ASGR2: variants seen among roughly 807,000 people sequenced by gnomAD.
The protein encoded by ASGR2 is asialoglycoprotein receptor 2, also known as C-type lectin domain family 4 member H2.
Under a neutral mutation model 32.3 loss-of-function variants are expected in ASGR2, and 34 were observed. The ratio of observed to expected loss-of-function variants is 1.05; its 90% CI spans 0.80 to 1.40. The LOEUF is 1.40. Ranked by LOEUF, ASGR2 falls within the 40% of genes most tolerant of loss-of-function variation. The pLI, the probability that ASGR2 is intolerant of heterozygous loss-of-function variation, is 0.00. For missense variants in ASGR2, 385 were observed against 386.4 expected (o/e 1.00, Z 0.03); for synonymous variants, 143 against 150.0 (o/e 0.95, Z 0.34).
intron 7 of ASGR2, among the ~76,000 whole-genome samples, chr17:7,105,620 A>G (rs559526863): frequency 4.6e-5 from 7 of 152,230 alleles, no homozygotes; most frequent in African/African-American, 1.7e-4. Context: ...CACAGGTTAC[A>G]GTGAGCTGAG....
Position 7,113,761 on chromosome 17 carries a change from G to A in ASGR2, c.124+356C>T, listed in dbSNP as rs1309106902. 6.7e-6 allele frequency among the ~76,000 whole-genome samples: 1 copy of A among 149,554 alleles called. No individual in the cohort carries two copies. The highest frequency in any genetic ancestry group is 1.5e-5 in the Non-Finnish European group (1 of 67,576). The stretch of plus-strand genomic sequence containing the variant: ...CACGACATACACACACACAACATAT[G>A]CACGCTCTCGCGCACATATACACAC... On this transcript the variant is annotated intron_variant, in intron 2 of 8. Transcript: ENST00000691900. The surrounding 1 kb of genome is among the most constrained non-coding windows in gnomAD (Gnocchi z 5.1).
intron 2 of ASGR2, among the ~76,000 whole-genome samples, chr17:7,112,366 C>A (rs971283166): frequency 6.6e-6 from 1 of 151,854 alleles, no homozygotes; most frequent in African/African-American, 2.4e-5. Flanking sequence ...GAGGGAAATG[C>A]GGTGACTTTG....
chr17:7,107,526 G>A lies in ASGR2; in HGVS notation c.410-209C>T. On this transcript the variant is annotated intron_variant, in intron 5 of 8. Coordinates refer to ENST00000691900, the MANE Select transcript of ASGR2 (RefSeq NM_001201352.2). This position sits in a 1 kb window ranked among gnomAD's most constrained non-coding sequence, Gnocchi z 5.0. ...CATCACACACACACAAACACACCAA[G>A]AGACACACCACACACATCACATGCG... 7.8e-6 allele frequency: 5 copies of A among 645,050 alleles called. No homozygotes were observed. Among genetic ancestry groups the A allele is most frequent in the Admixed American group, 2.6e-5 (1 of 39,090 alleles). The allele number at this position is 645,050 out of a possible 1,614,324, so 40.0% of individuals were successfully genotyped here.
chr17:7,107,346 G>C lies in ASGR2; in HGVS notation c.410-29C>G. 6.2e-7 allele frequency: 1 copy of C among 1,605,872 alleles called. No individual in the cohort carries two copies. The highest frequency in any genetic ancestry group is 8.5e-7 in the Non-Finnish European group (1 of 1,178,506). On this transcript the variant is annotated intron_variant, in intron 5 of 8. Coordinates refer to ENST00000691900, the MANE Select transcript of ASGR2 (RefSeq NM_001201352.2). This position sits in a 1 kb window ranked among gnomAD's most constrained non-coding sequence, Gnocchi z 5.0. ...GGACAGACAGGCTGAAAGTGCTGCC[G>C]GCAGGTGTGGTCCCCACCTGCTAGG... is the stretch of plus-strand genomic sequence containing the variant.
rs1001320600 is a variant in ASGR2 at position 7,102,139 on chromosome 17, C to T, written c.706G>A (p.Asp236Asn). 9 of 1,614,202 alleles carry T rather than the reference C, an allele frequency of 5.6e-6. No individual in the cohort carries two copies. Among genetic ancestry groups the T allele is most frequent in the Non-Finnish European group, 7.6e-6 (9 of 1,180,022 alleles). Residue 236 changes from aspartate to asparagine, a missense_variant, in exon 8 of 9, where the codon GAT (aspartate) becomes AAT (asparagine). Physicochemically the swap from Asp to Asn is conservative, Grantham distance 23 (BLOSUM62 1). Coordinates refer to ENST00000691900, the MANE Select transcript of ASGR2 (RefSeq NM_001201352.2). ...CCATCCACCCATTTCCAAGAGCCAT[C>T]ACTGTCCGTGAGACCTATCCAGGTA... Reference protein sequence around the residue: ...FNTWIGLTDSDGSWKWVDGTD... With the variant: ...FNTWIGLTDSNGSWKWVDGTD...
At position 7,107,227 on chromosome 17, in the gene ASGR2, C is replaced by T. The variant is rs1271942752; in HGVS notation, c.496+4G>A. Reference sequence around the variant, plus strand: ...ACTGGGCCTGGAGACGGCCCCACCCCTACCGTTGCTGTGGAGGAGCTCCAT... The same window carrying T: ...ACTGGGCCTGGAGACGGCCCCACCCTTACCGTTGCTGTGGAGGAGCTCCAT... On this transcript the variant is annotated splice_donor_region_variant and intron_variant, in intron 6 of 8. Transcript: ENST00000691900. The surrounding 1 kb of genome is among the most constrained non-coding windows in gnomAD (Gnocchi z 5.0). 1.2e-6 allele frequency: 2 copies of T among 1,614,176 alleles called. No individual in the cohort carries two copies. Among genetic ancestry groups the T allele is most frequent in the South Asian group, 2.2e-5 (2 of 91,092 alleles).
chr17:7,115,137 A>C, upstream of ASGR2: 2 of 454,226 alleles, frequency 4.4e-6, no homozygotes, highest in Non-Finnish European at 5.8e-6. This position sits in a 1 kb window ranked among gnomAD's most constrained non-coding sequence, Gnocchi z 4.2. Context: ...CATCTGAACC[A>C]CAGACCCCAG....
chr17:7,114,777 G>T lies in ASGR2; in HGVS notation c.-233C>A. ...AAGGCCTGCACTGGAGGGTCTGAGT[G>T]TCCAAGCTCTAACCTGGCACCTCCT... is the stretch of plus-strand genomic sequence containing the variant. On this transcript the variant is annotated 5_prime_UTR_variant, in exon 1 of 9. Transcript: ENST00000691900. The surrounding 1 kb of genome is among the most constrained non-coding windows in gnomAD (Gnocchi z 4.5). The T allele has an allele frequency of 3.0e-6, 3 of 991,566 alleles. No homozygotes were observed. The highest frequency in any genetic ancestry group is 2.4e-6 in the Non-Finnish European group (2 of 833,558). 61.4% of individuals were successfully genotyped at this position (991,566 alleles called of 1,614,324 possible). A position where few individuals can be genotyped will look rare whatever the true frequency, so the allele number is the denominator to read the frequency against.
rs534502192 is a variant in ASGR2, at chr17:7,108,858, C to T, written c.155G>A (p.Arg52His). 1.8e-5 allele frequency: 29 copies of T among 1,605,122 alleles called. No homozygotes were observed. In the Admixed American group the frequency reaches 3.6e-4, roughly 20 times the overall value. Reference sequence around the variant, plus strand: ...ACTGAAGCAGACCATGGAGCAGAGACGCTGTGCCAGGGGCTGGGCAGGAGG... The same window carrying T: ...ACTGAAGCAGACCATGGAGCAGAGATGCTGTGCCAGGGGCTGGGCAGGAGG... Reference protein sequence around the residue: ...GPPPAQPLAQRLCSMVCFSLL... With the variant: ...GPPPAQPLAQHLCSMVCFSLL... The change falls in exon 3 of 9, where the codon CGT (arginine) becomes CAT (histidine). Residue 52 changes from arginine (R) to histidine (H), a missense_variant. Coordinates refer to ENST00000691900, the MANE Select transcript of ASGR2 (RefSeq NM_001201352.2). The surrounding 1 kb of genome is among the most constrained non-coding windows in gnomAD (Gnocchi z 4.9).
Position 7,113,734 on chromosome 17 carries a change from T to C in ASGR2, c.124+383A>G, listed in dbSNP as rs1458646087. ...CTCACACACAACATACCCTCTCACA[T>C]ACACGACATACACACACACAACATA... is the stretch of plus-strand genomic sequence containing the variant. On this transcript the variant is annotated intron_variant, in intron 2 of 8. Transcript: ENST00000691900. The surrounding 1 kb of genome is among the most constrained non-coding windows in gnomAD (Gnocchi z 5.1). Among the ~76,000 whole-genome samples, 1 of 130,268 alleles carries C rather than the reference T, an allele frequency of 7.7e-6. No individual in the cohort carries two copies. Among genetic ancestry groups the C allele is most frequent in the South Asian group, 2.3e-4 (1 of 4,312 alleles). 85.5% of individuals were successfully genotyped at this position (130,268 alleles called of 152,430 possible).
chr17:7,111,468 A>T (rs887824569), intron 2 of ASGR2, among the ~76,000 whole-genome samples: 1 of 152,036 alleles, frequency 6.6e-6, no homozygotes. Flanking sequence ...CATCCTGGCT[A>T]ACATGGTGAA....
chr17:7,101,544 G>A lies in ASGR2; in HGVS notation c.*31C>T, dbSNP rs1438914412. On this transcript the variant is annotated 3_prime_UTR_variant, in exon 9 of 9. Coordinates refer to ENST00000691900, the MANE Select transcript of ASGR2 (RefSeq NM_001201352.2). ...AGAGAAGCCAGAGCTGGGCAGGTGT[G>A]GGGTATGGGTTAGCCAGAGGTGTGC... 1.9e-6 allele frequency: 3 copies of A among 1,604,444 alleles called. No homozygotes were observed. Among genetic ancestry groups the A allele is most frequent in the Non-Finnish European group, 2.6e-6 (3 of 1,173,368 alleles).
chr17:7,107,363 C>G lies in ASGR2; in HGVS notation c.410-46G>C. On this transcript the variant is annotated intron_variant, in intron 5 of 8. Coordinates refer to ENST00000691900, the MANE Select transcript of ASGR2 (RefSeq NM_001201352.2). This position sits in a 1 kb window ranked among gnomAD's most constrained non-coding sequence, Gnocchi z 5.0. ...GTGCTGCCGGCAGGTGTGGTCCCCACCTGCTAGGCTCCAGCCTGTGGCTGG... is the reference window on the plus strand; with the variant it reads ...GTGCTGCCGGCAGGTGTGGTCCCCAGCTGCTAGGCTCCAGCCTGTGGCTGG... 1.9e-6 allele frequency: 3 copies of G among 1,592,418 alleles called. No homozygotes were observed. The highest frequency in any genetic ancestry group is 2.2e-5 in the South Asian group (2 of 90,222).
Position 7,107,693 on chromosome 17 carries a change from A to G in ASGR2, c.409+143T>C, listed in dbSNP as rs1913979813. 1 of 1,022,514 alleles carries G rather than the reference A, an allele frequency of 9.8e-7. No individual in the cohort carries two copies. 63.3% of individuals were successfully genotyped at this position (1,022,514 alleles called of 1,614,324 possible). On this transcript the variant is annotated intron_variant, in intron 5 of 8. Coordinates refer to ENST00000691900, the MANE Select transcript of ASGR2 (RefSeq NM_001201352.2). This position sits in a 1 kb window ranked among gnomAD's most constrained non-coding sequence, Gnocchi z 5.0. ...GACATATCACACCACACATACGGAG[A>G]GAGACACAGATACACATGCTTGCAG...
intron 2 of ASGR2, among the ~76,000 whole-genome samples, chr17:7,112,233 G>T (rs1385788692): frequency 2.0e-5 from 2 of 98,580 alleles, no homozygotes; most frequent in Non-Finnish European, 4.5e-5. Flanking sequence ...ATCTTTAAAA[G>T]AAAAAGGGGG....
chr17:7,107,361 C>T lies in ASGR2; in HGVS notation c.410-44G>A, dbSNP rs752796005. On this transcript the variant is annotated intron_variant, in intron 5 of 8. Coordinates refer to ENST00000691900, the MANE Select transcript of ASGR2 (RefSeq NM_001201352.2). This position sits in a 1 kb window ranked among gnomAD's most constrained non-coding sequence, Gnocchi z 5.0. Reference sequence around the variant, plus strand: ...AAGTGCTGCCGGCAGGTGTGGTCCCCACCTGCTAGGCTCCAGCCTGTGGCT... The same window carrying T: ...AAGTGCTGCCGGCAGGTGTGGTCCCTACCTGCTAGGCTCCAGCCTGTGGCT... 20 of 1,594,976 alleles carry T rather than the reference C, an allele frequency of 1.3e-5. No homozygotes were observed. The East Asian group carries it at 2.0e-4, about 16-fold the overall frequency.
rs1477204766 is a variant in ASGR2, at chr17:7,101,476, T to C, written c.*99A>G. On this transcript the variant is annotated 3_prime_UTR_variant, in exon 9 of 9. Transcript: ENST00000691900. ...TCTCTCTTTGCTCAGCTCTTCCCCATACCCCTGTCTCAGTGTTTCTTCCTT... is the reference window on the plus strand; with the variant it reads ...TCTCTCTTTGCTCAGCTCTTCCCCACACCCCTGTCTCAGTGTTTCTTCCTT... The C allele has an allele frequency of 2.1e-5, 31 of 1,491,536 alleles. No homozygotes were observed. Among genetic ancestry groups the C allele is most frequent in the Non-Finnish European group, 2.6e-5 (29 of 1,109,266 alleles). 92.4% of individuals were successfully genotyped at this position (1,491,536 alleles called of 1,614,324 possible).
At chr17:7,109,127 A>G (rs1914295758) in intron 2 of ASGR2, among the ~76,000 whole-genome samples, 2 of 151,670 alleles carry the variant, frequency 1.3e-5, no homozygotes, top group East Asian at 3.9e-4. Context: ...ACACACACCC[A>G]TGCACACGAC....
chr17:7,101,792 T>C lies in ASGR2; in HGVS notation c.756-52A>G, dbSNP rs750551039. 8.2e-6 allele frequency: 13 copies of C among 1,585,128 alleles called. No homozygotes were observed. In the African/African-American group the frequency reaches 1.5e-4, roughly 18 times the overall value. ...TCTGCCACGGTGGTGAGAAAGCGAC[T>C]TACCCATCCTCCTCCTCTTCATGAC... On this transcript the variant is annotated intron_variant, in intron 8 of 8. Transcript: ENST00000691900.
Sources: gnomAD v4.1 joint callset for allele counts (sites outside exome capture counted in the v4.1 genomes callset) on GRCh38, gnomAD v4.1.1 for gene constraint, Gnocchi (gnomAD v3.1) non-coding constraint, MANE v1.5 for transcripts, NCBI Gene and HGNC (gene_info 2026-07-23, HGNC 2026-07-21) for gene names.